Variants in MAPK10 observed in about 807,000 individuals in gnomAD.
MAPK10 encodes the protein mitogen-activated protein kinase 10, also known as JNK3 alpha protein kinase.
Under a neutral mutation model 59.3 loss-of-function variants are expected in MAPK10, and 25 were observed. The ratio of observed to expected loss-of-function variants is 0.42; its 90% confidence interval spans 0.31 to 0.59. The LOEUF is 0.59. MAPK10 is among the 20% of genes least tolerant of loss of function. The pLI, the probability that MAPK10 is intolerant of heterozygous loss-of-function variation, is 0.15. For missense variants in MAPK10, 351 were observed against 568.9 expected (o/e 0.62, Z 3.90); for synonymous variants, 190 against 200.5 (o/e 0.95, Z 0.44).
intron 4 of MAPK10, among the ~76,000 whole-genome samples, chr4:86,143,115 A>T (rs922439399): frequency 6.6e-6 from 1 of 152,180 alleles, no homozygotes; most frequent in African/African-American, 2.4e-5. Flanking sequence ...CACATTCTTC[A>T]TAGGGTGGCA....
At chr4:86,076,529 A>G (rs929977559) in intron 9 of MAPK10, among the ~76,000 whole-genome samples, 2 of 152,156 alleles carry the variant, frequency 1.3e-5, no homozygotes, top group African/African-American at 2.4e-5. Context: ...AGAAAAAGTA[A>G]ATTTGGAATT....
chr4:86,064,220 C>T lies in MAPK10; in HGVS notation c.1110+46G>A, dbSNP rs755185358. ...AGTCCTATTCAGTTTTTGCTATGAG[C>T]TATGATTTGTTTGTGGAAGCAAAGT... On this transcript the variant is annotated intron_variant, in intron 11 of 13. Coordinates refer to ENST00000641462, the MANE Select transcript of MAPK10 (RefSeq NM_138982.4). The T allele has an allele frequency of 3.7e-6, 6 of 1,610,454 alleles. No homozygotes were observed. In the African/African-American group the frequency reaches 8.0e-5, roughly 22 times the overall value.
chr4:86,194,205 G>A, intron 3 of MAPK10, 131 bp downstream of exon 3: 1 of 718,726 alleles, frequency 1.4e-6, no homozygotes. Context: ...CGTCTTGCCA[G>A]CTCCTAATTC....
upstream of MAPK10, among the ~76,000 whole-genome samples, chr4:86,364,862 C>G (rs916429569): frequency 2.6e-5 from 4 of 152,040 alleles, no homozygotes; most frequent in South Asian, 8.3e-4. Flanking sequence ...TGCTTATAAT[C>G]CCAGCTAATT....
chr4:86,447,655 C>CT (rs201017201), intron 1 of MAPK10, among the ~76,000 whole-genome samples: 255 of 151,360 alleles, frequency 1.7e-3, no homozygotes, highest in African/African-American at 5.3e-3. Flanking sequence ...AACACTGGTG[C>CT]TTTTTTTTTC....
chr4:86,114,918 G>C (rs993463890), intron 4 of MAPK10, among the ~76,000 whole-genome samples: 1 of 152,246 alleles, frequency 6.6e-6, no homozygotes, highest in African/African-American at 2.4e-5. Context: ...GATGGATCCA[G>C]GTTCCACCTA....
intron 3 of MAPK10, among the ~76,000 whole-genome samples, chr4:86,180,205 G>A (rs145147591): frequency 0.011 from 1,744 of 151,732 alleles, 33 homozygotes; most frequent in African/African-American, 0.04. Flanking sequence ...GAAGACACAC[G>A]AATGGCCAAA....
At chr4:86,064,183 C>A in intron 11 of MAPK10, 83 bp downstream of exon 11, 3 of 1,522,006 alleles carry the variant, frequency 2.0e-6, no homozygotes, top group South Asian at 1.2e-5. Flanking sequence ...ATTGTGCATT[C>A]TTTAGGCTTC....
chr4:86,543,960 A>T (rs910584025), intron 1 of MAPK10, among the ~76,000 whole-genome samples: 1 of 152,260 alleles, frequency 6.6e-6, no homozygotes, highest in East Asian at 1.9e-4. Context: ...TACTGGGTAT[A>T]TTCTGGATCC....
In MAPK10 at chr4:86,017,520, A is replaced by G. The variant is rs1238749525; in HGVS notation, c.1253-150T>C. On this transcript the variant is annotated intron_variant, in intron 13 of 13. Transcript: ENST00000641462. The surrounding 1 kb of genome is among the most constrained non-coding windows in gnomAD (Gnocchi z 4.4). Reference sequence around the variant, plus strand: ...CTTTATAGAGCAGCTGACATAGGGGAGCATATCAAATGGTGACAATCAAGA... The same window carrying G: ...CTTTATAGAGCAGCTGACATAGGGGGGCATATCAAATGGTGACAATCAAGA... 8 of 736,234 alleles carry G rather than the reference A, an allele frequency of 1.1e-5. No homozygotes were observed. The highest frequency in any genetic ancestry group is 1.8e-5 in the Non-Finnish European group (8 of 442,080). The allele number at this position is 736,234 out of a possible 1,614,324, so 45.6% of individuals were successfully genotyped here. A position where few individuals can be genotyped will look rare whatever the true frequency, so the allele number is the denominator to read the frequency against.
intron 4 of MAPK10, among the ~76,000 whole-genome samples, chr4:86,151,630 G>C (rs2066499219): frequency 6.6e-6 from 1 of 152,164 alleles, no homozygotes; most frequent in Non-Finnish European, 1.5e-5. Context: ...TTCCTGGCTA[G>C]ATGGTGAAAA....
chr4:86,493,226 T>C (rs1169186753), intron 1 of MAPK10, among the ~76,000 whole-genome samples: 1 of 152,234 alleles, frequency 6.6e-6, no homozygotes, highest in Non-Finnish European at 1.5e-5. Context: ...GTGAATCTGC[T>C]GTGATTCTGA....
At chr4:86,524,507 A>T (rs2149088851) in intron 1 of MAPK10, among the ~76,000 whole-genome samples, 1 of 152,276 alleles carries the variant, frequency 6.6e-6, no homozygotes, top group East Asian at 1.9e-4. Flanking sequence ...TCCCACAATA[A>T]TTTCAGTAGT....
chr4:86,559,650 C>T (rs1027556468), intron 1 of MAPK10, among the ~76,000 whole-genome samples: 3 of 152,074 alleles, frequency 2.0e-5, no homozygotes, highest in Admixed American at 6.6e-5. Context: ...AGTCACTCAC[C>T]GGCCAGGCGT....
intron 2 of MAPK10, among the ~76,000 whole-genome samples, chr4:86,349,363 T>G (rs780507255): frequency 1.8e-4 from 28 of 152,244 alleles, no homozygotes; most frequent in Non-Finnish European, 3.8e-4. Context: ...CTTCTGCTTC[T>G]TTCTGTATAT....
chr4:86,380,160 T>C (rs190590458), intron 1 of MAPK10, among the ~76,000 whole-genome samples: 22 of 151,974 alleles, frequency 1.4e-4, no homozygotes, highest in African/African-American at 5.3e-4. Context: ...AGGCAGAGGT[T>C]GTGGTGGGCC....
chr4:86,162,598 C>G (rs1055860764), intron 3 of MAPK10, among the ~76,000 whole-genome samples: 2 of 151,998 alleles, frequency 1.3e-5, no homozygotes, highest in African/African-American at 2.4e-5. Flanking sequence ...TTATGGCCTT[C>G]CTCTGTTCTA....
chr4:86,442,307 T>C (rs1486823765), intron 1 of MAPK10, among the ~76,000 whole-genome samples: 3 of 152,190 alleles, frequency 2.0e-5, no homozygotes, highest in Non-Finnish European at 4.4e-5. Context: ...TACATTCTTA[T>C]TACAAAATTT....
intron 2 of MAPK10, among the ~76,000 whole-genome samples, chr4:86,331,937 C>T (rs1203095333): frequency 6.6e-6 from 1 of 152,152 alleles, no homozygotes; most frequent in Non-Finnish European, 1.5e-5. Context: ...TTATACTTTG[C>T]TGTGTTTATA....
Sources: gnomAD v4.1 joint callset for allele counts (sites outside exome capture counted in the v4.1 genomes callset) on GRCh38, gnomAD v4.1.1 for gene constraint, Gnocchi (gnomAD v3.1) non-coding constraint, MANE v1.5 for transcripts, NCBI Gene and HGNC (gene_info 2026-07-23, HGNC 2026-07-21) for gene names.